The following NBEA variants were observed in gnomAD, a reference collection of about 807,000 sequenced individuals.
The protein encoded by NBEA is neurobeachin, also known as lysosomal-trafficking regulator 2.
NBEA carries 44 observed loss-of-function variants against 343.4 expected under a neutral mutation model. The ratio of observed to expected loss-of-function variants is 0.13; its 90% CI spans 0.10 to 0.16. NBEA has a LOEUF of 0.16. NBEA is among the 10% of genes least tolerant of loss of function. NBEA has a pLI of 1.00. For missense variants in NBEA, 2,555 were observed against 3,631.3 expected (o/e 0.70, Z 7.62); for synonymous variants, 1,175 against 1,238.7 (o/e 0.95, Z 1.08).
At position 35,139,750 on chromosome 13, in the gene NBEA, T is replaced by TTTTG. The variant is rs1037736374; in HGVS notation, c.2337-2516_2337-2515insGTTT. Among the ~76,000 whole-genome samples the TTTTG allele has an allele frequency of 2.1e-5, 3 of 140,270 alleles. 1 individual carries two copies. The highest frequency in any genetic ancestry group is 4.6e-5 in the Non-Finnish European group (3 of 65,396). 92.0% of individuals were successfully genotyped at this position (140,270 alleles called of 152,430 possible). ...GCCTAAGATGATGGATGGCGTTTTT[T>TTTTG]TTTTTTTTTTTTTTTTTTTTTTATC... is the stretch of plus-strand genomic sequence containing the variant. On this transcript the variant is annotated intron_variant, in intron 17 of 58. Coordinates refer to ENST00000379939, the MANE Select transcript of NBEA (RefSeq NM_001385012.1).
At chr13:35,582,141 C>T (rs1005494482) in intron 45 of NBEA, among the ~76,000 whole-genome samples, 30 of 152,008 alleles carry the variant, frequency 2.0e-4, no homozygotes, top group African/African-American at 6.3e-4. Context: ...AAAAAATTAG[C>T]TGGGCATGGT....
chr13:35,371,206 C>T (rs73494546), intron 38 of NBEA, among the ~76,000 whole-genome samples: 6,322 of 152,114 alleles, frequency 0.042, 164 homozygotes, highest in African/African-American at 0.05. Context: ...AATAGGTTTT[C>T]TGTCTCTTTT....
intron 1 of NBEA, among the ~76,000 whole-genome samples, chr13:35,003,897 C>A (rs1314098345): frequency 6.6e-6 from 1 of 152,004 alleles, no homozygotes; most frequent in African/African-American, 2.4e-5. Context: ...GGTATTAAGC[C>A]CTGCACGCAT....
chr13:34,986,602 G>A (rs550002595), intron 1 of NBEA, among the ~76,000 whole-genome samples: 1 of 150,838 alleles, frequency 6.6e-6, no homozygotes, highest in African/African-American at 2.4e-5. Flanking sequence ...TTAACCTTTG[G>A]TCTCATTGAT....
chr13:35,199,735 G>A (rs1231639020), intron 31 of NBEA, among the ~76,000 whole-genome samples: 1 of 151,988 alleles, frequency 6.6e-6, no homozygotes, highest in Non-Finnish European at 1.5e-5. Context: ...TCAGTGTTTT[G>A]AAGTTTATAA....
intron 21 of NBEA, among the ~76,000 whole-genome samples, chr13:35,157,728 T>A (rs1441854445): frequency 6.6e-6 from 1 of 152,150 alleles, no homozygotes; most frequent in East Asian, 1.9e-4. Flanking sequence ...CTTAAAAATC[T>A]GTATGTCTAT....
intron 49 of NBEA, among the ~76,000 whole-genome samples, chr13:35,638,607 A>G (rs2083804102): frequency 6.6e-6 from 1 of 152,212 alleles, no homozygotes; most frequent in Non-Finnish European, 1.5e-5. Flanking sequence ...GAAGGTGTCC[A>G]GCTCACTGGT....
At chr13:35,476,045 G>A (rs2075847643) in intron 41 of NBEA, 2 of 1,614,056 alleles carry the variant, frequency 1.2e-6, no homozygotes, top group Non-Finnish European at 1.7e-6. Flanking sequence ...CAGACTTCCC[G>A]GATAGTTTTG....
At chr13:35,362,500 A>G (rs937358410) in intron 38 of NBEA, among the ~76,000 whole-genome samples, 1 of 151,958 alleles carries the variant, frequency 6.6e-6, no homozygotes, top group Non-Finnish European at 1.5e-5. Context: ...TGTGCTCTAC[A>G]CTCAATGAAT....
At chr13:35,042,671 T>G (rs1294821665) in intron 2 of NBEA, among the ~76,000 whole-genome samples, 3 of 151,812 alleles carry the variant, frequency 2.0e-5, no homozygotes, top group African/African-American at 4.8e-5. Flanking sequence ...TATCTTTTTC[T>G]CAGTAATAAT....
At chr13:35,243,741 C>G (rs184307134) in intron 34 of NBEA, among the ~76,000 whole-genome samples, 1 of 151,816 alleles carries the variant, frequency 6.6e-6, no homozygotes, top group East Asian at 1.9e-4. Flanking sequence ...ATGAGAGTTC[C>G]TAAGTGTAAG....
At chr13:35,370,896 G>A (rs2041392728) in intron 38 of NBEA, among the ~76,000 whole-genome samples, 1 of 106,812 alleles carries the variant, frequency 9.4e-6, no homozygotes, top group African/African-American at 3.3e-5. Context: ...TGGGTAAAGT[G>A]TCCTCAGTTG....
intron 1 of NBEA, among the ~76,000 whole-genome samples, chr13:35,011,877 G>T (rs550700199): frequency 5.3e-5 from 8 of 152,078 alleles, no homozygotes; most frequent in African/African-American, 9.7e-5. Flanking sequence ...AACATTCTTT[G>T]TGATTTTTTA....
intron 1 of NBEA, among the ~76,000 whole-genome samples, chr13:34,962,761 A>G (rs191377670): frequency 6.6e-6 from 1 of 152,130 alleles, no homozygotes; most frequent in East Asian, 1.9e-4. Context: ...GCTTATTGAA[A>G]CCAGAAATCA....
chr13:35,403,022 A>T (rs1388398040), intron 38 of NBEA, among the ~76,000 whole-genome samples: 1 of 152,128 alleles, frequency 6.6e-6, no homozygotes, highest in African/African-American at 2.4e-5. Flanking sequence ...AATAGGACAT[A>T]CATGATTTTG....
intron 43 of NBEA, among the ~76,000 whole-genome samples, chr13:35,553,407 G>A (rs2079434731): frequency 6.6e-6 from 1 of 151,976 alleles, no homozygotes; most frequent in African/African-American, 2.4e-5. Flanking sequence ...GAAGTACCAA[G>A]TGGCAATGGG....
At chr13:35,161,695 T>G (rs761727542) in intron 22 of NBEA, 55 bp from the exon 23 acceptor site, 9 of 1,406,954 alleles carry the variant, frequency 6.4e-6, no homozygotes, top group Non-Finnish European at 8.8e-6. Context: ...CAGTTTCATT[T>G]TAAAATGAGG....
chr13:35,417,011 A>G (rs2043953351), intron 38 of NBEA, among the ~76,000 whole-genome samples: 2 of 152,018 alleles, frequency 1.3e-5, no homozygotes. Context: ...TAGATTTTCT[A>G]GTTTATTTGT....
intron 38 of NBEA, among the ~76,000 whole-genome samples, chr13:35,368,686 A>G (rs1039077210): frequency 2.0e-5 from 3 of 151,638 alleles, no homozygotes; most frequent in African/African-American, 7.2e-5. Flanking sequence ...GATTTTTAAC[A>G]TTTAACAAGA....
Sources: allele counts gnomAD v4.1 joint callset (sites outside exome capture counted in the v4.1 genomes callset), GRCh38; gene constraint gnomAD v4.1.1; transcripts MANE v1.5; gene names NCBI Gene and HGNC (gene_info 2026-07-23, HGNC 2026-07-21).